Variants in FAM219A observed in about 807,000 individuals in gnomAD.
FAM219A encodes protein FAM219A.
Under a neutral mutation model 23.4 loss-of-function variants are expected in FAM219A, and 7 were observed. The observed-to-expected ratio is 0.30, with a 90% confidence interval of 0.17 to 0.56. The LOEUF is 0.56. Ranked by LOEUF, FAM219A falls within the 20% of genes least tolerant of loss-of-function variation. FAM219A has a pLI of 0.92. For missense variants in FAM219A, 166 were observed against 246.9 expected, an observed-to-expected ratio of 0.67 and a Z score of 2.20; for synonymous variants, 93 against 99.0, an observed-to-expected ratio of 0.94 and a Z score of 0.36.
At chr9:34,450,793 A>G (rs1823537531) in intron 1 of FAM219A, among the ~76,000 whole-genome samples, 1 of 152,200 alleles carries the variant, frequency 6.6e-6, no homozygotes. Context: ...ACAGCCAAGA[A>G]TCTGATGGCT....
intron 1 of FAM219A, among the ~76,000 whole-genome samples, chr9:34,444,980 T>G (rs893528284): frequency 1.6e-4 from 24 of 152,234 alleles, no homozygotes; most frequent in African/African-American, 5.1e-4. Flanking sequence ...TTCCTATGTT[T>G]GGCTCAGTGT....
At position 34,421,009 on chromosome 9, in the gene FAM219A, T is replaced by TGA. The variant is rs143749316; in HGVS notation, c.61-15047_61-15046dup. On this transcript the variant is annotated intron_variant, in intron 1 of 5. Coordinates refer to ENST00000651358, the MANE Select transcript of FAM219A (RefSeq NM_001184940.2). ...GTGTGTGTATGTGTGTGTGTGTGTG[T>TGA]GAGAGAGAGAGAGAGAGAGAGAGAG... 7.7e-3 allele frequency among the ~76,000 whole-genome samples: 663 copies of TGA among 86,422 alleles called. 8 individuals are homozygous for TGA. Among genetic ancestry groups the TGA allele is most frequent in the East Asian group, 0.05 (170 of 3,380 alleles). 56.7% of individuals were successfully genotyped at this position (86,422 alleles called of 152,430 possible).
intron 1 of FAM219A, among the ~76,000 whole-genome samples, chr9:34,424,982 T>C (rs1822404044): frequency 2.0e-5 from 3 of 151,990 alleles, no homozygotes. Flanking sequence ...TTTTTTGTAG[T>C]TTTGGTAGAG....
chr9:34,423,855 T>G (rs1822365983), intron 1 of FAM219A, among the ~76,000 whole-genome samples: 1 of 152,166 alleles, frequency 6.6e-6, no homozygotes, highest in South Asian at 2.1e-4. Context: ...GGAAAAGACT[T>G]GAGCTAGGAT....
chr9:34,438,969 G>A (rs906828818), intron 1 of FAM219A, among the ~76,000 whole-genome samples: 1 of 152,154 alleles, frequency 6.6e-6, no homozygotes, highest in East Asian at 1.9e-4. Flanking sequence ...CACTCACCGC[G>A]AAGGTCTGCA....
At chr9:34,450,757 G>A (rs576321418) in intron 1 of FAM219A, among the ~76,000 whole-genome samples, 5 of 152,296 alleles carry the variant, frequency 3.3e-5, no homozygotes, top group African/African-American at 9.6e-5. Flanking sequence ...TATTGTTCTC[G>A]ATAGATGGGA....
intron 1 of FAM219A, among the ~76,000 whole-genome samples, chr9:34,422,729 CTG>C (rs1281258888): frequency 2.0e-5 from 3 of 152,158 alleles, no homozygotes; most frequent in African/African-American, 7.2e-5. Context: ...GCGTTGGAAA[CTG>C]AGAATGGTGA....
chr9:34,448,445 C>T (rs1467877458), intron 1 of FAM219A, among the ~76,000 whole-genome samples: 1 of 152,178 alleles, frequency 6.6e-6, no homozygotes, highest in Non-Finnish European at 1.5e-5. Flanking sequence ...ACACAATGCT[C>T]CAGGCAGCAA....
chr9:34,422,189 A>G (rs1312740130), intron 1 of FAM219A, among the ~76,000 whole-genome samples: 1 of 152,194 alleles, frequency 6.6e-6, no homozygotes, highest in Non-Finnish European at 1.5e-5. Context: ...GCCCAGGTGT[A>G]GTTCTTCCAA....
intron 1 of FAM219A, among the ~76,000 whole-genome samples, chr9:34,444,073 A>T (rs982174794): frequency 1.3e-5 from 2 of 152,020 alleles, no homozygotes; most frequent in African/African-American, 2.4e-5. Flanking sequence ...TTGGCCTTTC[A>T]CTGAGTCCTC....
chr9:34,400,940 C>G lies in FAM219A; in HGVS notation c.*24G>C. 6.6e-7 allele frequency: 1 copy of G among 1,510,366 alleles called. No individual in the cohort carries two copies. The highest frequency in any genetic ancestry group is 8.9e-7 in the Non-Finnish European group (1 of 1,125,782). The allele number at this position is 1,510,366 out of a possible 1,614,324, so 93.6% of individuals were successfully genotyped here. ...TACCCGGCCCTTGGCGGCCCCGCCC[C>G]GGCGACCGCAGTGGCCCCGCCCGCT... On this transcript the variant is annotated 3_prime_UTR_variant, in exon 6 of 6. Transcript: ENST00000651358.
intron 1 of FAM219A, among the ~76,000 whole-genome samples, chr9:34,441,820 C>T (rs1257195746): frequency 6.6e-6 from 1 of 152,170 alleles, no homozygotes; most frequent in Non-Finnish European, 1.5e-5. Context: ...GCCTCGACCT[C>T]CTGGGCTCAA....
intron 1 of FAM219A, among the ~76,000 whole-genome samples, chr9:34,416,427 G>A (rs1469257825): frequency 6.6e-6 from 1 of 152,036 alleles, no homozygotes; most frequent in Non-Finnish European, 1.5e-5. Flanking sequence ...TAATCAGAGA[G>A]TAGCAACTAA....
intron 1 of FAM219A, among the ~76,000 whole-genome samples, chr9:34,428,243 T>G (rs1822559260): frequency 6.6e-6 from 1 of 152,130 alleles, no homozygotes; most frequent in South Asian, 2.1e-4. Flanking sequence ...GCAGGGAAAC[T>G]CTTCAGGATT....
chr9:34,431,485 T>G (rs7018754), intron 1 of FAM219A, among the ~76,000 whole-genome samples: 2,543 of 152,322 alleles, frequency 0.017, 74 homozygotes, highest in African/African-American at 0.056. Context: ...TTGAGCAGAA[T>G]GCACCTGCTT....
At chr9:34,432,580 C>T (rs959828394) in intron 1 of FAM219A, among the ~76,000 whole-genome samples, 7 of 152,184 alleles carry the variant, frequency 4.6e-5, no homozygotes, top group Non-Finnish European at 1.0e-4. Context: ...CAGTGATTCT[C>T]TTTCCACATG....
chr9:34,402,491 A>T (rs1257844459), intron 3 of FAM219A, 24 bp from the exon 4 acceptor site: 3 of 1,613,964 alleles, frequency 1.9e-6, no homozygotes, highest in Non-Finnish European at 2.5e-6. Context: ...TTCGGGAGTT[A>T]GAGTGGCAAA....
intron 1 of FAM219A, among the ~76,000 whole-genome samples, chr9:34,439,042 G>A (rs973267822): frequency 4.6e-5 from 7 of 150,954 alleles, no homozygotes; most frequent in Admixed American, 1.3e-4. Context: ...CTCCAGAGGC[G>A]CTGCCTTAAG....
chr9:34,439,263 A>G (rs772726820), intron 1 of FAM219A, among the ~76,000 whole-genome samples: 1 of 152,260 alleles, frequency 6.6e-6, no homozygotes, highest in Admixed American at 6.5e-5. Context: ...TTCCGGACAC[A>G]CTTCTAAACA....
Sources: gnomAD v4.1 joint callset for allele counts (sites outside exome capture counted in the v4.1 genomes callset) on GRCh38, gnomAD v4.1.1 for gene constraint, MANE v1.5 for transcripts, NCBI Gene and HGNC (gene_info 2026-07-23, HGNC 2026-07-21) for gene names.